CSMD1: variants seen among roughly 807,000 people sequenced by gnomAD.
CSMD1 encodes CUB and sushi domain-containing protein 1.
A neutral mutation model predicts 417.5 loss-of-function variants in CSMD1; 213 were observed. The observed-to-expected ratio is 0.51, with a 90% CI of 0.46 to 0.57. The LOEUF (loss-of-function observed/expected upper bound fraction) is 0.57. Ranked by LOEUF, CSMD1 falls within the 20% of genes least tolerant of loss-of-function variation. The pLI is 0.00. For synonymous variants in CSMD1, 2,862 were observed against 1,736.8 expected (o/e 1.65, Z -16.11); for missense variants, 6,923 against 4,529.7 (o/e 1.53, Z -15.17).
intron 42 of CSMD1, chr8:3,113,060 G>A (rs1816625546): frequency 6.6e-6 from 1 of 152,214 alleles, no homozygotes; most frequent in South Asian, 2.1e-4. Flanking sequence ...GGGGGCCTGT[G>A]ATCTGCCACT....
At chr8:4,312,835 G>A (rs974551099) in intron 3 of CSMD1, among the ~76,000 whole-genome samples, 2 of 152,094 alleles carry the variant, frequency 1.3e-5, no homozygotes, top group African/African-American at 4.8e-5. Context: ...GATCGCGCCA[G>A]GCAAGGCGGT....
chr8:3,908,922 T>C (rs1346294040), intron 5 of CSMD1, among the ~76,000 whole-genome samples: 1 of 152,222 alleles, frequency 6.6e-6, no homozygotes. Context: ...TCTATCTTGC[T>C]TTGCAAGCGC....
At chr8:3,748,541 A>G (rs1797167543) in intron 6 of CSMD1, among the ~76,000 whole-genome samples, 1 of 152,178 alleles carries the variant, frequency 6.6e-6, no homozygotes, top group African/African-American at 2.4e-5. Flanking sequence ...CAGGTTCTAG[A>G]TAATGGTTGT....
At chr8:4,106,576 ATAAT>A (rs895586436) in intron 3 of CSMD1, among the ~76,000 whole-genome samples, 7 of 152,236 alleles carry the variant, frequency 4.6e-5, no homozygotes, top group Admixed American at 1.3e-4. Flanking sequence ...ATGTGAGTTA[ATAAT>A]TAAAGGTGAA....
At chr8:4,748,569 G>C (rs767889409) in intron 1 of CSMD1, among the ~76,000 whole-genome samples, 2 of 152,160 alleles carry the variant, frequency 1.3e-5, no homozygotes, top group African/African-American at 2.4e-5. Context: ...GGATTATTGG[G>C]TTCAGCATTC....
chr8:4,347,742 G>A (rs547954396), intron 3 of CSMD1, among the ~76,000 whole-genome samples: 2 of 152,182 alleles, frequency 1.3e-5, no homozygotes, highest in South Asian at 4.1e-4. Flanking sequence ...TGAGTGCCTA[G>A]CAAGCATGTA....
At chr8:3,688,639 C>G (rs1045875956) in intron 7 of CSMD1, among the ~76,000 whole-genome samples, 2 of 152,102 alleles carry the variant, frequency 1.3e-5, no homozygotes, top group East Asian at 1.9e-4. Context: ...AATACAAATT[C>G]TAGATTTTTC....
chr8:3,638,416 T>A (rs9792338), intron 7 of CSMD1, among the ~76,000 whole-genome samples: 1 of 151,706 alleles, frequency 6.6e-6, no homozygotes, highest in Admixed American at 6.6e-5. Context: ...AAGGTCCTAG[T>A]TTTGCCCACC....
Position 4,126,546 on chromosome 8 carries a change from C to T in CSMD1, c.416-94447G>A, listed in dbSNP as rs17332797. ...GATGGTCAGTGCTGCAGGGAGGCCACTGATCCACAATTGTGGGATGGAGAC... is the reference window on the plus strand; with the variant it reads ...GATGGTCAGTGCTGCAGGGAGGCCATTGATCCACAATTGTGGGATGGAGAC... On this transcript the variant is annotated intron_variant, in intron 3 of 69. Coordinates refer to ENST00000635120, the MANE Select transcript of CSMD1 (RefSeq NM_033225.6). Among the ~76,000 whole-genome samples the T allele has an allele frequency of 2.5e-3, 385 of 152,276 alleles. 1 individual carries two copies. The highest frequency in any genetic ancestry group is 4.3e-3 in the Non-Finnish European group (295 of 68,014).
chr8:4,785,097 G>C (rs1342415123), intron 1 of CSMD1, among the ~76,000 whole-genome samples: 1 of 152,184 alleles, frequency 6.6e-6, no homozygotes, highest in African/African-American at 2.4e-5. Flanking sequence ...TGGGTCATGA[G>C]TGCCTTCTTT....
At chr8:3,994,283 T>C (rs993455246) in intron 5 of CSMD1, among the ~76,000 whole-genome samples, 68 of 152,138 alleles carry the variant, frequency 4.5e-4, no homozygotes, top group African/African-American at 1.6e-3. Flanking sequence ...AGGGAGTAAA[T>C]GCTCCCTCAG....
intron 3 of CSMD1, among the ~76,000 whole-genome samples, chr8:4,393,185 AG>A (rs1803970507): frequency 6.6e-6 from 1 of 152,082 alleles, no homozygotes; most frequent in Non-Finnish European, 1.5e-5. Context: ...CATGTTGCCC[AG>A]GATGGTCTCA....
At chr8:3,391,446 G>C (rs902572762) in intron 17 of CSMD1, among the ~76,000 whole-genome samples, 2 of 152,106 alleles carry the variant, frequency 1.3e-5, no homozygotes, top group Non-Finnish European at 2.9e-5. Flanking sequence ...TTTTAAAGTG[G>C]TGATTTAAAG....
At chr8:3,268,816 G>T (rs1801626777) in intron 26 of CSMD1, among the ~76,000 whole-genome samples, 1 of 152,038 alleles carries the variant, frequency 6.6e-6, no homozygotes, top group African/African-American at 2.4e-5. Context: ...GGGTCCTGGG[G>T]GACAGTGGGG....
intron 1 of CSMD1, among the ~76,000 whole-genome samples, chr8:4,834,539 T>C (rs1290563206): frequency 1.3e-5 from 2 of 152,016 alleles, no homozygotes; most frequent in Non-Finnish European, 2.9e-5. Flanking sequence ...GTGAGCTTTC[T>C]GAAAACAACC....
At chr8:3,581,166 C>A (rs1800366774) in intron 9 of CSMD1, among the ~76,000 whole-genome samples, 1 of 152,078 alleles carries the variant, frequency 6.6e-6, no homozygotes, top group Non-Finnish European at 1.5e-5. Context: ...AATGAAGTAC[C>A]AGCCTGAACA....
intron 3 of CSMD1, among the ~76,000 whole-genome samples, chr8:4,277,155 A>G (rs1796532578): frequency 6.6e-6 from 1 of 151,940 alleles, no homozygotes; most frequent in African/African-American, 2.4e-5. Context: ...CCATAGTTTA[A>G]TCCAACACTA....
At chr8:4,968,391 G>T (rs540450387) in intron 1 of CSMD1, among the ~76,000 whole-genome samples, 6 of 151,708 alleles carry the variant, frequency 4.0e-5, no homozygotes, top group Non-Finnish European at 7.4e-5. Flanking sequence ...CAGAAAATCT[G>T]TAACTGTTAA....
chr8:4,314,834 A>T (rs977390853), intron 3 of CSMD1, among the ~76,000 whole-genome samples: 2 of 152,196 alleles, frequency 1.3e-5, no homozygotes, highest in East Asian at 3.9e-4. Flanking sequence ...GGATTTTGTA[A>T]GAGGAGGGAG....
Sources: allele counts gnomAD v4.1 joint callset (sites outside exome capture counted in the v4.1 genomes callset), GRCh38; gene constraint gnomAD v4.1.1; transcripts MANE v1.5; gene names NCBI Gene and HGNC (gene_info 2026-07-23, HGNC 2026-07-21).